Variants in ANKRD44 observed in about 807,000 individuals in gnomAD.
ANKRD44 encodes ankyrin repeat domain 44.
In ANKRD44, 35 loss-of-function variants were observed where a neutral mutation model predicts 116.0. The ratio of observed to expected loss-of-function variants is 0.30; its 90% CI spans 0.23 to 0.40. The LOEUF (loss-of-function observed/expected upper bound fraction) is 0.40. Ranked by LOEUF, ANKRD44 falls within the 10% of genes least tolerant of loss-of-function variation. The pLI, the probability that ANKRD44 is intolerant of heterozygous loss-of-function variation, is 1.00. For synonymous variants in ANKRD44, 435 were observed against 461.8 expected, an observed-to-expected ratio of 0.94 and a Z score of 0.74; for missense variants, 1,014 against 1,242.6, an observed-to-expected ratio of 0.82 and a Z score of 2.77.
intron 16 of ANKRD44, among the ~76,000 whole-genome samples, chr2:197,061,014 A>T (rs760492344): frequency 2.2e-4 from 34 of 151,930 alleles, no homozygotes; most frequent in Admixed American, 3.9e-4. Flanking sequence ...TCTTTGAGAT[A>T]CTGATTTCAT....
In ANKRD44 at chr2:197,310,594, A is replaced by T; in HGVS notation, c.11T>A (p.Leu4His). MAV[L>H]KLTDQPPLVQ... ...GCCCGCTACCTGGTCGGTGAGTTTG[A>T]GCACTGCCATTCTTCCGCTCCTTCG... The change falls in exon 1 of 28, where the codon CTC (leucine) becomes CAC (histidine). Residue 4 changes from leucine to histidine, a missense_variant. Coordinates refer to ENST00000282272, the MANE Select transcript of ANKRD44 (RefSeq NM_001195144.2). The T allele has an allele frequency of 7.7e-7, 1 of 1,305,408 alleles. No individual in the cohort carries two copies. The highest frequency in any genetic ancestry group is 1.5e-5 in the South Asian group (1 of 67,584). The allele number at this position is 1,305,408 out of a possible 1,614,324, so 80.9% of individuals were successfully genotyped here.
chr2:197,114,521 G>C (rs1023306336), intron 8 of ANKRD44, among the ~76,000 whole-genome samples: 5 of 152,188 alleles, frequency 3.3e-5, no homozygotes. Flanking sequence ...TAAAAGCAGT[G>C]TTTATATTTT....
chr2:197,298,238 A>T (rs750465518), intron 1 of ANKRD44, among the ~76,000 whole-genome samples: 29 of 152,246 alleles, frequency 1.9e-4, no homozygotes, highest in Non-Finnish European at 4.1e-4. Flanking sequence ...TTAAAAGTCA[A>T]TGTAAGAAAG....
chr2:196,998,422 GT>G lies in ANKRD44; in HGVS notation c.2666-4del. The G allele has an allele frequency of 6.2e-7, 1 of 1,612,676 alleles. No individual in the cohort carries two copies. The highest frequency in any genetic ancestry group is 1.1e-5 in the South Asian group (1 of 90,896). On this transcript the variant is annotated splice_polypyrimidine_tract_variant and splice_region_variant and intron_variant, in intron 24 of 27. Coordinates refer to ENST00000282272, the MANE Select transcript of ANKRD44 (RefSeq NM_001195144.2). ...CTGGGCACTGTTCACCAAAATATCTGTAGAAAAAGCCCAAAAGAGGGTTACT... is the reference window on the plus strand; with the variant it reads ...CTGGGCACTGTTCACCAAAATATCTGAGAAAAAGCCCAAAAGAGGGTTACT...
chr2:197,056,703 A>T (rs1037221817), intron 16 of ANKRD44, among the ~76,000 whole-genome samples: 7 of 152,202 alleles, frequency 4.6e-5, no homozygotes, highest in African/African-American at 1.2e-4. Flanking sequence ...ATGGTATTTT[A>T]AAAATTTTTA....
intron 16 of ANKRD44, among the ~76,000 whole-genome samples, chr2:197,040,739 A>AATAAG: frequency 6.6e-6 from 1 of 152,208 alleles, no homozygotes; most frequent in South Asian, 2.1e-4. Context: ...AATAAAATAA[A>AATAAG]AGCCTCCAGA....
chr2:197,112,726 A>G (rs1026474579), intron 8 of ANKRD44, among the ~76,000 whole-genome samples: 1 of 150,852 alleles, frequency 6.6e-6, no homozygotes, highest in Non-Finnish European at 1.5e-5. Flanking sequence ...AAAAAAAGAA[A>G]AAAAGAAAAG....
Position 197,203,182 on chromosome 2 carries a change from T to C in ANKRD44, c.28-16076A>G, listed in dbSNP as rs1479159563. 6.6e-6 allele frequency among the ~76,000 whole-genome samples: 1 copy of C among 152,180 alleles called. No homozygotes were observed. Among genetic ancestry groups the C allele is most frequent in the East Asian group, 1.9e-4 (1 of 5,202 alleles). ...AATAATGAGATATACAGACAATTTT[T>C]GTATAAAGATGTTCATAACAACACT... On this transcript the variant is annotated intron_variant, in intron 1 of 27. Transcript: ENST00000282272. This position sits in a 1 kb window ranked among gnomAD's most constrained non-coding sequence, Gnocchi z 4.1.
rs369335973 is a variant in ANKRD44 at position 197,085,286 on chromosome 2, C to T, written c.1316+1394G>A. The stretch of plus-strand genomic sequence containing the variant: ...AAATTACTAGGTAAGAACCTCACGA[C>T]GGGGCCCAAAGATAGGGAGAAAATG... On this transcript the variant is annotated intron_variant, in intron 13 of 27. Transcript: ENST00000282272. Among the ~76,000 whole-genome samples, 227 of 152,200 alleles carry T rather than the reference C, an allele frequency of 1.5e-3. 3 individuals are homozygous for T. Among genetic ancestry groups the T allele is most frequent in the African/African-American group, 4.9e-3 (204 of 41,522 alleles).
At chr2:197,015,604 A>T in intron 17 of ANKRD44, 1 of 541,190 alleles carries the variant, frequency 1.8e-6, no homozygotes, top group South Asian at 2.1e-5. Context: ...TGGCTGTGGT[A>T]GAAACTTTGG....
At chr2:197,149,512 G>T (rs1023929660) in intron 2 of ANKRD44, among the ~76,000 whole-genome samples, 4 of 152,158 alleles carry the variant, frequency 2.6e-5, no homozygotes, top group African/African-American at 4.8e-5. Context: ...TGTGCTTAAA[G>T]GTTTCTGGTA....
intron 1 of ANKRD44, among the ~76,000 whole-genome samples, chr2:197,282,685 G>T (rs1485526216): frequency 1.3e-5 from 2 of 152,190 alleles, no homozygotes; most frequent in Admixed American, 1.3e-4. Context: ...CAGGCCGGGT[G>T]TGGTGGCTCA....
At chr2:197,273,844 C>A (rs762827684) in intron 1 of ANKRD44, among the ~76,000 whole-genome samples, 1 of 148,226 alleles carries the variant, frequency 6.7e-6, no homozygotes, top group East Asian at 2.0e-4. Context: ...TCAGGCATGT[C>A]AAGGATTTTA....
chr2:197,251,342 CTT>C (rs902317942), intron 1 of ANKRD44, among the ~76,000 whole-genome samples: 2 of 151,982 alleles, frequency 1.3e-5, no homozygotes, highest in Non-Finnish European at 2.9e-5. Flanking sequence ...GTTCTTACAG[CTT>C]TTTTTTCCTT....
intron 2 of ANKRD44, among the ~76,000 whole-genome samples, chr2:197,183,580 T>A (rs975055062): frequency 6.6e-6 from 1 of 152,088 alleles, no homozygotes; most frequent in African/African-American, 2.4e-5. Flanking sequence ...CCCAAGGGCA[T>A]TGGCAAAAGA....
chr2:197,142,602 A>G (rs1159724315), intron 3 of ANKRD44, among the ~76,000 whole-genome samples: 1 of 152,152 alleles, frequency 6.6e-6, no homozygotes, highest in Non-Finnish European at 1.5e-5. Flanking sequence ...CCCACCAGAA[A>G]ATGGCTTATT....
intron 3 of ANKRD44, 24 bp from the exon 4 acceptor site, chr2:197,136,686 G>C: frequency 6.2e-7 from 1 of 1,609,942 alleles, no homozygotes; most frequent in Non-Finnish European, 8.5e-7. Context: ...GCACAAGTTA[G>C]AGGCATAATG....
At chr2:197,197,921 GGT>G (rs1321710143) in intron 1 of ANKRD44, 1 of 152,106 alleles carries the variant, frequency 6.6e-6, no homozygotes, top group African/African-American at 2.4e-5. Flanking sequence ...AGGTTACCAA[GGT>G]GTAACAGGAA....
intron 1 of ANKRD44, among the ~76,000 whole-genome samples, chr2:197,262,082 G>T (rs1283289416): frequency 6.6e-6 from 1 of 152,182 alleles, no homozygotes; most frequent in Admixed American, 6.5e-5. Flanking sequence ...TACCAGCCAG[G>T]ACAAAATATT....
Sources: allele counts gnomAD v4.1 joint callset (sites outside exome capture counted in the v4.1 genomes callset), GRCh38; gene constraint gnomAD v4.1.1; non-coding constraint Gnocchi (gnomAD v3.1); transcripts MANE v1.5; gene names NCBI Gene and HGNC (gene_info 2026-07-23, HGNC 2026-07-21).